DIP2A: variants seen among roughly 807,000 people sequenced by gnomAD.
DIP2A encodes the protein disco-interacting protein 2 homolog A.
Under a neutral mutation model 177.4 loss-of-function variants are expected in DIP2A, and 85 were observed. The ratio of observed to expected loss-of-function variants is 0.48; its 90% CI spans 0.40 to 0.57. The LOEUF (loss-of-function observed/expected upper bound fraction) is 0.57. DIP2A is among the 20% of genes least tolerant of loss of function. DIP2A has a pLI of 0.00. For synonymous variants in DIP2A, 886 were observed against 881.8 expected (o/e 1.00, Z -0.08); for missense variants, 1,791 against 2,100.2 (o/e 0.85, Z 2.88).
chr21:46,477,002 C>T (rs754825809), intron 1 of DIP2A, among the ~76,000 whole-genome samples: 1 of 152,062 alleles, frequency 6.6e-6, no homozygotes, highest in Non-Finnish European at 1.5e-5. Flanking sequence ...CCTGCTAGGC[C>T]GTGGATATGT....
rs768357447 is a variant in DIP2A, at chr21:46,567,395, CTGG to C, written c.4502_4504del (p.Val1501del). On this transcript the variant is annotated inframe_deletion, in exon 38 of 38. Transcript: ENST00000417564. ...TGCCGTATTCACCTGGACCAACCTG[CTGG>C]TGGTGGTGGTGGAGCTGGATGGGCT... 1 of 1,613,594 alleles carries C rather than the reference CTGG, an allele frequency of 6.2e-7. No homozygotes were observed. The highest frequency in any genetic ancestry group is 8.5e-7 in the Non-Finnish European group (1 of 1,179,710).
At chr21:46,513,863 T>A (rs1043060466) in intron 8 of DIP2A, among the ~76,000 whole-genome samples, 5 of 152,004 alleles carry the variant, frequency 3.3e-5, no homozygotes, top group African/African-American at 9.7e-5. Context: ...TAAAAAAAAA[T>A]TGAAATCCCA....
intron 5 of DIP2A, among the ~76,000 whole-genome samples, chr21:46,503,571 T>TCTTCCTTCCTTCCTTC (rs911345370): frequency 4.8e-5 from 4 of 83,758 alleles, no homozygotes; most frequent in East Asian, 4.0e-4. Flanking sequence ...TGAGGGAATT[T>TCTTCCTTCCTTCCTTC]CTTCCTTCCT....
In DIP2A at chr21:46,550,879, G is replaced by A. The variant is rs190447294; in HGVS notation, c.2839+135G>A. ...TGGGGCTGGGGTCAAGAGCCAGAGC[G>A]AGTGTGCACCCCAGAATGGTGCCAC... On this transcript the variant is annotated intron_variant, in intron 23 of 37. Transcript: ENST00000417564. 1.8e-4 allele frequency: 161 copies of A among 914,488 alleles called. No homozygotes were observed. The African/African-American group carries it at 2.0e-3, about 11-fold the overall frequency. 56.6% of individuals were successfully genotyped at this position (914,488 alleles called of 1,614,324 possible).
At chr21:46,494,420 T>G (rs1444373400) in intron 3 of DIP2A, among the ~76,000 whole-genome samples, 11 of 152,244 alleles carry the variant, frequency 7.2e-5, no homozygotes, top group Non-Finnish European at 1.3e-4. Flanking sequence ...AAGAGGCCTG[T>G]TGGGCCTGAC....
In DIP2A at chr21:46,560,724, C is replaced by T. The variant is rs1273349031; in HGVS notation, c.3972C>T (p.Gly1324=). The T allele has an allele frequency of 1.9e-6, 3 of 1,607,424 alleles. No individual in the cohort carries two copies. Among genetic ancestry groups the T allele is most frequent in the Non-Finnish European group, 1.7e-6 (2 of 1,177,202 alleles). The change falls in exon 33 of 38, where the codon GGC becomes GGT. Residue 1324 remains glycine (G), a splice_region_variant and synonymous_variant. Transcript: ENST00000417564. ...CRVNVAICLQ[G]TAGPDPTTVY... The stretch of plus-strand genomic sequence containing the variant: ...TTCCTCTGCTGCTCTCCTTCCAGGG[C>T]ACAGCTGGCCCGGACCCCACAACCG...
intron 1 of DIP2A, among the ~76,000 whole-genome samples, chr21:46,479,020 G>T (rs1013187647): frequency 3.3e-5 from 5 of 152,218 alleles, no homozygotes; most frequent in African/African-American, 1.2e-4. Flanking sequence ...AATCTATATA[G>T]AGAGAAAGTG....
At chr21:46,565,612 G>T (rs1000036356) in intron 35 of DIP2A, 101 bp from the exon 36 acceptor site, 3 of 1,238,682 alleles carry the variant, frequency 2.4e-6, no homozygotes, top group African/African-American at 1.5e-5. Flanking sequence ...ACTTCGTTCA[G>T]TGTTTTCTGG....
chr21:46,480,380 A>T (rs926084420), intron 1 of DIP2A, among the ~76,000 whole-genome samples: 4 of 152,128 alleles, frequency 2.6e-5, no homozygotes, highest in Admixed American at 2.0e-4. Context: ...TGATTCAGTT[A>T]CCTCCCACTG....
chr21:46,505,119 C>T (rs1739591438), intron 6 of DIP2A, among the ~76,000 whole-genome samples: 1 of 152,122 alleles, frequency 6.6e-6, no homozygotes, highest in Non-Finnish European at 1.5e-5. Context: ...TATGTTGGTA[C>T]TCCCAAACAG....
chr21:46,549,391 G>A (rs149429047), intron 21 of DIP2A, among the ~76,000 whole-genome samples: 1 of 152,118 alleles, frequency 6.6e-6, no homozygotes, highest in Admixed American at 6.5e-5. Flanking sequence ...CACTATAAAT[G>A]TCAATAGACT....
At position 46,554,422 on chromosome 21, in the gene DIP2A, C is replaced by T; in HGVS notation, c.3154+130C>T. 2.6e-6 allele frequency: 4 copies of T among 1,546,060 alleles called. No homozygotes were observed. The South Asian group carries it at 3.7e-5, about 14-fold the overall frequency. ...CTCAGCCCCTCCTCTCTGCATGTGT[C>T]TGCCTCCTCAGCTCAGCTACCCCTG... On this transcript the variant is annotated intron_variant, in intron 26 of 37. Transcript: ENST00000417564.
At chr21:46,486,352 G>A (rs1300270186) in intron 2 of DIP2A, among the ~76,000 whole-genome samples, 3 of 152,084 alleles carry the variant, frequency 2.0e-5, no homozygotes, top group African/African-American at 7.2e-5. Context: ...TTACAGGTGT[G>A]CACCACCACG....
At chr21:46,507,598 C>T (rs2058077557) in intron 6 of DIP2A, among the ~76,000 whole-genome samples, 1 of 150,754 alleles carries the variant, frequency 6.6e-6, no homozygotes, top group Admixed American at 6.6e-5. Context: ...GTCCTTACAC[C>T]TCGTATAGCC....
At position 46,483,515 on chromosome 21, in the gene DIP2A, TTG is replaced by T. The variant is rs1373031117; in HGVS notation, c.92-1239_92-1238del. Among the ~76,000 whole-genome samples, 4 of 151,606 alleles carry T rather than the reference TTG, an allele frequency of 2.6e-5. No individual in the cohort carries two copies. In the East Asian group the frequency reaches 7.8e-4, roughly 30 times the overall value. On this transcript the variant is annotated intron_variant, in intron 1 of 37. Coordinates refer to ENST00000417564, the MANE Select transcript of DIP2A (RefSeq NM_015151.4). ...GTGCAGGGTGGAGTAGGTGGGGAGGTTGTGGTAGGCTGGTGTGGACCAGAGCA... is the reference window on the plus strand; with the variant it reads ...GTGCAGGGTGGAGTAGGTGGGGAGGTTGGTAGGCTGGTGTGGACCAGAGCA...
At chr21:46,504,302 G>T in intron 5 of DIP2A, 59 bp from the exon 6 acceptor site, 2 of 1,600,732 alleles carry the variant, frequency 1.2e-6, no homozygotes, top group Non-Finnish European at 1.7e-6. Context: ...TTCAAGAGCA[G>T]CTTAATACTC....
chr21:46,555,157 G>T (rs149482953), intron 28 of DIP2A, among the ~76,000 whole-genome samples: 19 of 152,354 alleles, frequency 1.2e-4, no homozygotes, highest in South Asian at 4.1e-4. Flanking sequence ...CCAGTCCCAA[G>T]TGGTGTGGAG....
chr21:46,482,962 G>A (rs2056448461), intron 1 of DIP2A, among the ~76,000 whole-genome samples: 1 of 152,198 alleles, frequency 6.6e-6, no homozygotes, highest in South Asian at 2.1e-4. Flanking sequence ...AAATTGTACA[G>A]TTATATCCTG....
chr21:46,479,655 AGCTTAG>A (rs1372550509), intron 1 of DIP2A, among the ~76,000 whole-genome samples: 1 of 152,094 alleles, frequency 6.6e-6, no homozygotes, highest in East Asian at 1.9e-4. Context: ...CCTCCCTAGT[AGCTTAG>A]GACTATAGGC....
Sources: allele counts gnomAD v4.1 joint callset (sites outside exome capture counted in the v4.1 genomes callset), GRCh38; gene constraint gnomAD v4.1.1; transcripts MANE v1.5; gene names NCBI Gene and HGNC (gene_info 2026-07-23, HGNC 2026-07-21).